Variants in LVRN observed in about 807,000 individuals in gnomAD.
LVRN encodes aminopeptidase Q.
Under a neutral mutation model 111.4 loss-of-function variants are expected in LVRN, and 99 were observed. The observed-to-expected ratio is 0.89, with a 90% CI of 0.76 to 1.05. The LOEUF is 1.05. Among genes scored for constraint, LVRN ranks in the 50% least tolerant of loss-of-function variants. The pLI is 0.00. For synonymous variants in LVRN, 488 were observed against 449.5 expected, an observed-to-expected ratio of 1.09 and a Z score of -1.08; for missense variants, 1,414 against 1,206.8, an observed-to-expected ratio of 1.17 and a Z score of -2.54.
chr5:116,024,999 C>G (rs1444041220), intron 19 of LVRN, among the ~76,000 whole-genome samples: 1 of 152,078 alleles, frequency 6.6e-6, no homozygotes, highest in Non-Finnish European at 1.5e-5. Flanking sequence ...TTTATATTCC[C>G]CCTCCTAGAC....
chr5:115,993,209 T>C (rs890494935), intron 5 of LVRN, among the ~76,000 whole-genome samples: 1 of 148,768 alleles, frequency 6.7e-6, no homozygotes, highest in African/African-American at 2.5e-5. Flanking sequence ...TGTTTTTTTT[T>C]TTCTGTTCAG....
In LVRN at chr5:115,962,928, C is replaced by G. The variant is rs1390356046; in HGVS notation, c.311C>G (p.Pro104Arg). 3 of 1,612,960 alleles carry G rather than the reference C, an allele frequency of 1.9e-6. No individual in the cohort carries two copies. Among genetic ancestry groups the G allele is most frequent in the African/African-American group, 1.3e-5 (1 of 75,026 alleles). Residue 104 changes from proline to arginine, a missense_variant, in exon 1 of 20, where the codon CCG becomes CGG. By Grantham distance (103) the Pro-to-Arg change is moderately radical. Coordinates refer to ENST00000357872, the MANE Select transcript of LVRN (RefSeq NM_173800.5). Reference protein sequence around the residue: ...DQLRLPPWLVPLHYDLELWPQ... With the variant: ...DQLRLPPWLVRLHYDLELWPQ... ...CTACGCCTGCCGCCCTGGCTCGTGC[C>G]GCTGCACTACGATCTGGAGCTGTGG...
rs949629700 is a variant in LVRN, at chr5:116,026,974, T to A, written c.*856T>A. ...AGGCTACTATTTAGGGCAAAAGGAATCTTGAAATGAAAGAAACAGAACTAA... is the reference window on the plus strand; with the variant it reads ...AGGCTACTATTTAGGGCAAAAGGAAACTTGAAATGAAAGAAACAGAACTAA... On this transcript the variant is annotated 3_prime_UTR_variant, in exon 20 of 20. Transcript: ENST00000357872. 2 of 152,166 alleles carry A rather than the reference T, an allele frequency of 1.3e-5. No homozygotes were observed. The highest frequency in any genetic ancestry group is 2.4e-5 in the African/African-American group (1 of 41,440). 9.4% of individuals were successfully genotyped at this position (152,166 alleles called of 1,614,324 possible).
intron 3 of LVRN, among the ~76,000 whole-genome samples, chr5:115,986,059 TA>T (rs1242108095): frequency 3.9e-5 from 6 of 152,240 alleles, no homozygotes; most frequent in Non-Finnish European, 5.9e-5. Flanking sequence ...GATGAATTAG[TA>T]ATATTGTGTT....
chr5:115,993,849 C>T lies in LVRN; in HGVS notation c.1369C>T (p.Pro457Ser). The stretch of plus-strand genomic sequence containing the variant: ...AATTAACTACTTTAATCCTAAACTC[C>T]CAAGAGTAAGTATGTTTACTAAGTT... ...EVINYFNPKLPRNEIFFSNIL... is the reference protein window; with the variant it reads ...EVINYFNPKLSRNEIFFSNIL... The change falls in exon 6 of 20, where the codon CCA becomes TCA. Residue 457 changes from proline to serine, a missense_variant. Transcript: ENST00000357872. The T allele has an allele frequency of 6.4e-7, 1 of 1,566,732 alleles. No homozygotes were observed. The highest frequency in any genetic ancestry group is 8.7e-7 in the Non-Finnish European group (1 of 1,147,772).
intron 18 of LVRN, 78 bp from the exon 19 acceptor site, chr5:116,022,313 C>T (rs1455674304): frequency 1.0e-6 from 1 of 960,318 alleles, no homozygotes; most frequent in Non-Finnish European, 1.7e-6. Flanking sequence ...ATACACTTGA[C>T]CTTCATCTGC....
At chr5:115,967,277 A>G (rs1252180587) in intron 1 of LVRN, among the ~76,000 whole-genome samples, 1 of 152,220 alleles carries the variant, frequency 6.6e-6, no homozygotes, top group Non-Finnish European at 1.5e-5. Context: ...AAAGTGTTTT[A>G]CATTTAAATC....
Position 116,000,452 on chromosome 5 carries a change from T to G in LVRN, c.1535T>G (p.Met512Arg). 2 of 1,614,212 alleles carry G rather than the reference T, an allele frequency of 1.2e-6. No homozygotes were observed. The highest frequency in any genetic ancestry group is 1.7e-6 in the Non-Finnish European group (2 of 1,180,016). ...TCCTAGGGAGCGTCTATGGCCCGGA[T>G]GCTTTCTTGTTTCTTGAATGAGCAT... ...TYSKGASMAR[M>R]LSCFLNEHLF... is the part of the protein sequence containing the mutation. The change falls in exon 8 of 20, where the codon ATG (methionine) becomes AGG (arginine). Residue 512 changes from methionine to arginine, a missense_variant. Met to Arg is a moderately conservative substitution (Grantham distance 91). Coordinates refer to ENST00000357872, the MANE Select transcript of LVRN (RefSeq NM_173800.5).
intron 18 of LVRN, among the ~76,000 whole-genome samples, chr5:116,016,942 A>G (rs1748614003): frequency 6.6e-6 from 1 of 152,216 alleles, no homozygotes; most frequent in Non-Finnish European, 1.5e-5. Context: ...AAATTCTAAG[A>G]TTCTTTCTAG....
intron 6 of LVRN, among the ~76,000 whole-genome samples, chr5:115,994,099 A>G (rs185767016): frequency 6.6e-6 from 1 of 152,012 alleles, no homozygotes; most frequent in Non-Finnish European, 1.5e-5. Flanking sequence ...TTCATATTCA[A>G]CTTCATATTT....
At chr5:116,009,814 G>A (rs977907473) in intron 13 of LVRN, among the ~76,000 whole-genome samples, 1 of 152,152 alleles carries the variant, frequency 6.6e-6, no homozygotes, top group Non-Finnish European at 1.5e-5. Context: ...TCTTGAGAAA[G>A]AATCTAATCC....
chr5:116,007,585 A>G lies in LVRN; in HGVS notation c.2093+1618A>G, dbSNP rs571632441. Among the ~76,000 whole-genome samples the G allele has an allele frequency of 1.3e-3, 196 of 152,040 alleles. 2 individuals carry two copies. Among genetic ancestry groups the G allele is most frequent in the African/African-American group, 4.5e-3 (188 of 41,470 alleles). ...GTATTCACTGCCTTTGGGACCTTTCATTACTGGTTTCTTATGCATAAGTCT... is the reference window on the plus strand; with the variant it reads ...GTATTCACTGCCTTTGGGACCTTTCGTTACTGGTTTCTTATGCATAAGTCT... On this transcript the variant is annotated intron_variant, in intron 13 of 19. Transcript: ENST00000357872.
At chr5:115,996,309 A>G (rs764439545) in intron 6 of LVRN, among the ~76,000 whole-genome samples, 4 of 152,204 alleles carry the variant, frequency 2.6e-5, no homozygotes, top group Non-Finnish European at 5.9e-5. Context: ...CCAAAAACAT[A>G]TTCCTCATAT....
intron 1 of LVRN, among the ~76,000 whole-genome samples, chr5:115,969,959 A>G (rs1242630442): frequency 1.3e-5 from 2 of 151,982 alleles, no homozygotes; most frequent in Non-Finnish European, 2.9e-5. Context: ...TAAGTTTAGC[A>G]TCTCTGTCAT....
At chr5:116,020,538 A>G (rs983484735) in intron 18 of LVRN, among the ~76,000 whole-genome samples, 1 of 152,214 alleles carries the variant, frequency 6.6e-6, no homozygotes, top group African/African-American at 2.4e-5. Context: ...ATGTTATTAT[A>G]TAGCCTAAAG....
Position 115,973,582 on chromosome 5 carries a change from A to G in LVRN, c.696-9705A>G, listed in dbSNP as rs78726099. On this transcript the variant is annotated intron_variant, in intron 1 of 19. Transcript: ENST00000357872. ...TTTAACTATGACTTAAATTTATCTA[A>G]TAGATACAGGGCTATTTAGGTTATC... Among the ~76,000 whole-genome samples the G allele has an allele frequency of 4.6e-3, 708 of 152,344 alleles. 8 individuals are homozygous for G. The highest frequency in any genetic ancestry group is 0.015 in the East Asian group (80 of 5,192).
intron 1 of LVRN, among the ~76,000 whole-genome samples, chr5:115,968,124 T>A (rs962636693): frequency 6.6e-6 from 1 of 152,238 alleles, no homozygotes; most frequent in African/African-American, 2.4e-5. Context: ...CAGCACTGTG[T>A]TAAACATGAG....
At chr5:116,003,526 T>G in intron 12 of LVRN, 146 bp downstream of exon 12, 1 of 474,558 alleles carries the variant, frequency 2.1e-6, no homozygotes, top group East Asian at 3.8e-5. Context: ...TTTTTCTTAT[T>G]CTTAACAAGT....
At position 116,003,198 on chromosome 5, in the gene LVRN, T is replaced by C. The variant is rs777558510; in HGVS notation, c.1898-43T>C. ...TAGTATTAATAGGTATTAAGATCTTTTTTAAATGTACCATTTCAAATTATT... is the reference window on the plus strand; with the variant it reads ...TAGTATTAATAGGTATTAAGATCTTCTTTAAATGTACCATTTCAAATTATT... On this transcript the variant is annotated intron_variant, in intron 11 of 19. Coordinates refer to ENST00000357872, the MANE Select transcript of LVRN (RefSeq NM_173800.5). 9.9e-6 allele frequency: 15 copies of C among 1,511,346 alleles called. No homozygotes were observed. The African/African-American group carries it at 1.8e-4, about 19-fold the overall frequency. The allele number at this position is 1,511,346 out of a possible 1,614,324, so 93.6% of individuals were successfully genotyped here.
Sources: gnomAD v4.1 joint callset for allele counts (sites outside exome capture counted in the v4.1 genomes callset) on GRCh38, gnomAD v4.1.1 for gene constraint, MANE v1.5 for transcripts, NCBI Gene and HGNC (gene_info 2026-07-23, HGNC 2026-07-21) for gene names.